LMOD1: variants seen among roughly 807,000 people sequenced by gnomAD.
LMOD1 encodes the protein leiomodin 1, also known as leiomodin-1.
A neutral mutation model predicts 36.5 loss-of-function variants in LMOD1; 8 were observed. The ratio of observed to expected loss-of-function variants is 0.22; its 90% confidence interval spans 0.13 to 0.40. The LOEUF (loss-of-function observed/expected upper bound fraction) is 0.40, where lower values mean the gene tolerates loss of function less well. LMOD1 is among the 10% of genes least tolerant of loss of function. LMOD1 has a pLI of 1.00. For missense variants in LMOD1, 630 were observed against 751.1 expected, an observed-to-expected ratio of 0.84 and a Z score of 1.88; for synonymous variants, 284 against 288.7, an observed-to-expected ratio of 0.98 and a Z score of 0.17.
In LMOD1 at chr1:201,931,219, G is replaced by A. The variant is rs79095478; in HGVS notation, c.261+14861C>T. Among the ~76,000 whole-genome samples, 1,389 of 152,284 alleles carry A rather than the reference G, an allele frequency of 9.1e-3. 20 individuals are homozygous for A. Among genetic ancestry groups the A allele is most frequent in the African/African-American group, 0.032 (1,348 of 41,556 alleles). On this transcript the variant is annotated intron_variant, in intron 1 of 2. Transcript: ENST00000367288. ...GGGTAATAGTCTGGGACAGAAGAGG[G>A]ATATCCTTTCCATGGGATAAAAGAG...
At chr1:201,911,821 C>CAAATGAAAA (rs1681501818) in intron 1 of LMOD1, among the ~76,000 whole-genome samples, 1 of 152,156 alleles carries the variant, frequency 6.6e-6, no homozygotes, top group Non-Finnish European at 1.5e-5. Flanking sequence ...ATGAAAAGGC[C>CAAATGAAAA]TGTGCTTAAC....
intron 1 of LMOD1, among the ~76,000 whole-genome samples, chr1:201,906,227 G>A (rs112517739): frequency 2.4e-4 from 36 of 152,280 alleles, no homozygotes; most frequent in African/African-American, 8.7e-4. Flanking sequence ...CCTACTGCTG[G>A]TTTCTCCTTG....
At chr1:201,912,837 AGGTGACAGTGTG>A in intron 1 of LMOD1, among the ~76,000 whole-genome samples, 1 of 151,986 alleles carries the variant, frequency 6.6e-6, no homozygotes, top group Non-Finnish European at 1.5e-5. Context: ...CCCAGCCTAG[AGGTGACAGTGTG>A]GGTGACAGAG....
intron 1 of LMOD1, among the ~76,000 whole-genome samples, chr1:201,922,105 G>A (rs1357665775): frequency 2.0e-5 from 3 of 152,192 alleles, no homozygotes; most frequent in Non-Finnish European, 2.9e-5. Flanking sequence ...GTGTGGACAA[G>A]GATGTGGAGA....
At chr1:201,920,045 C>CTCTT (rs1449817584) in intron 1 of LMOD1, among the ~76,000 whole-genome samples, 1 of 52,502 alleles carries the variant, frequency 1.9e-5, no homozygotes, top group Non-Finnish European at 3.7e-5. Flanking sequence ...GGCTCTCTCT[C>CTCTT]TTTTTTTTTT....
chr1:201,925,041 C>T (rs146849249), intron 1 of LMOD1, among the ~76,000 whole-genome samples: 3 of 152,274 alleles, frequency 2.0e-5, no homozygotes, highest in African/African-American at 2.4e-5. Context: ...CATAGTGAAA[C>T]GCTGTCTCTA....
At chr1:201,929,524 A>G (rs1055195262) in intron 1 of LMOD1, among the ~76,000 whole-genome samples, 1 of 152,242 alleles carries the variant, frequency 6.6e-6, no homozygotes, top group African/African-American at 2.4e-5. Context: ...CAGACCTCAG[A>G]GTGTAAATTT....
chr1:201,945,832 A>G (rs866056528), intron 1 of LMOD1, among the ~76,000 whole-genome samples: 3 of 152,172 alleles, frequency 2.0e-5, no homozygotes, highest in Admixed American at 6.5e-5. Context: ...CTCCCATTCT[A>G]CTAGTAGCTC....
intron 1 of LMOD1, among the ~76,000 whole-genome samples, chr1:201,922,960 G>T (rs1215716803): frequency 6.6e-6 from 1 of 152,030 alleles, no homozygotes; most frequent in Non-Finnish European, 1.5e-5. Context: ...GAGTAGCTGG[G>T]ATTACAGGTG....
chr1:201,900,529 G>A lies in LMOD1; in HGVS notation c.484C>T (p.Arg162Trp), dbSNP rs756783701. The change falls in exon 2 of 3, where the codon CGG (arginine) becomes TGG (tryptophan). Residue 162 changes from arginine (R) to tryptophan (W), a missense_variant. By Grantham distance (101) the Arg-to-Trp change is moderately radical. This residue lies in a region of LMOD1 where 405 missense variants were observed against 400.6 expected (regional missense o/e 1.01). Transcript: ENST00000367288. ...EKIIRGIDKG[R>W]VRAAVDKKEA... is the part of the protein sequence containing the mutation. ...TTCTTATCCACTGCAGCCCTGACCC[G>A]GCCCTTGTCAATGCCCCGGATGATC... 18 of 1,613,108 alleles carry A rather than the reference G, an allele frequency of 1.1e-5. No homozygotes were observed. The highest frequency in any genetic ancestry group is 2.2e-5 in the South Asian group (2 of 91,018).
In LMOD1 at chr1:201,918,153, T is replaced by C. The variant is rs146265471; in HGVS notation, c.262-17402A>G. ...TCTCTGTCTTCCCGCCTTCTCCCTC[T>C]TCAGGAATGGCTCTCCCACCCCACA... On this transcript the variant is annotated intron_variant, in intron 1 of 2. Coordinates refer to ENST00000367288, the MANE Select transcript of LMOD1 (RefSeq NM_012134.3). 2.9e-3 allele frequency among the ~76,000 whole-genome samples: 441 copies of C among 152,356 alleles called. 4 individuals carry two copies. Among genetic ancestry groups the C allele is most frequent in the Non-Finnish European group, 4.5e-3 (303 of 68,034 alleles).
At chr1:201,942,173 C>G (rs1395028771) in intron 1 of LMOD1, among the ~76,000 whole-genome samples, 1 of 152,210 alleles carries the variant, frequency 6.6e-6, no homozygotes, top group Non-Finnish European at 1.5e-5. Context: ...CCTCCCCAAT[C>G]CCCTGCTAAC....
intron 1 of LMOD1, among the ~76,000 whole-genome samples, chr1:201,945,062 G>A (rs1682179704): frequency 6.6e-6 from 1 of 152,158 alleles, no homozygotes. Flanking sequence ...TAATGTACAA[G>A]AGATGTGGCT....
intron 1 of LMOD1, among the ~76,000 whole-genome samples, chr1:201,927,671 G>A (rs773279502): frequency 7.2e-5 from 11 of 152,188 alleles, no homozygotes; most frequent in Non-Finnish European, 1.6e-4. Flanking sequence ...AGTAGCAAGT[G>A]GAAGAGATGC....
Position 201,942,174 on chromosome 1 carries a change from C to A in LMOD1, c.261+3906G>T, listed in dbSNP as rs547153571. The stretch of plus-strand genomic sequence containing the variant: ...AGTCCCACCTCTACCCTCCCCAATC[C>A]CCTGCTAACATTCACTCAACAAACA... On this transcript the variant is annotated intron_variant, in intron 1 of 2. Coordinates refer to ENST00000367288, the MANE Select transcript of LMOD1 (RefSeq NM_012134.3). Among the ~76,000 whole-genome samples the A allele has an allele frequency of 2.0e-3, 311 of 152,266 alleles. 1 individual carries two copies. The highest frequency in any genetic ancestry group is 3.5e-3 in the Non-Finnish European group (240 of 68,014).
chr1:201,916,114 C>T (rs1305742798), intron 1 of LMOD1, among the ~76,000 whole-genome samples: 6 of 151,690 alleles, frequency 4.0e-5, no homozygotes, highest in Admixed American at 1.3e-4. Flanking sequence ...GACGGGGTTT[C>T]GCCATGTTGC....
In LMOD1 at chr1:201,899,297, C is replaced by A; in HGVS notation, c.1716G>T (p.Lys572Asn). ...CAGCCAATAGCTGGTCACGGGAGTT[C>A]TTCTCCTGGGCAGGGAGGACTTTGT... ...MGDKVLPAQE[K>N]NSRDQLLAAI... The change falls in exon 2 of 3, where the codon AAG (lysine) becomes AAT (asparagine). Residue 572 changes from lysine to asparagine, a missense_variant. By Grantham distance (94) the Lys-to-Asn change is moderately conservative (BLOSUM62 0). Coordinates refer to ENST00000367288, the MANE Select transcript of LMOD1 (RefSeq NM_012134.3). This position sits in a 1 kb window ranked among gnomAD's most constrained non-coding sequence, Gnocchi z 6.3. 1 of 1,609,606 alleles carries A rather than the reference C, an allele frequency of 6.2e-7. No individual in the cohort carries two copies. The highest frequency in any genetic ancestry group is 1.7e-5 in the Admixed American group (1 of 59,630).
In LMOD1 at chr1:201,906,675, G is replaced by C. The variant is rs552818491; in HGVS notation, c.262-5924C>G. Among the ~76,000 whole-genome samples, 5 of 152,304 alleles carry C rather than the reference G, an allele frequency of 3.3e-5. No individual in the cohort carries two copies. The South Asian group carries it at 1.0e-3, about 32-fold the overall frequency. ...GCAGTCTCCTGCCGCATTCCATGTG[G>C]AGTGCCAAATCTTTTATTGTTTTCC... On this transcript the variant is annotated intron_variant, in intron 1 of 2. Coordinates refer to ENST00000367288, the MANE Select transcript of LMOD1 (RefSeq NM_012134.3).
Position 201,946,525 on chromosome 1 carries a change from C to G in LMOD1, c.-185G>C. Reference sequence around the variant, plus strand: ...AAGTGTTCACTGGACGCAGCAGCCTCCCTGAAGCCCAGGGCTAGTGGACCC... The same window carrying G: ...AAGTGTTCACTGGACGCAGCAGCCTGCCTGAAGCCCAGGGCTAGTGGACCC... On this transcript the variant is annotated 5_prime_UTR_variant, in exon 1 of 3. Transcript: ENST00000367288. 1 of 644,862 alleles carries G rather than the reference C, an allele frequency of 1.6e-6. No individual in the cohort carries two copies. Among genetic ancestry groups the G allele is most frequent in the South Asian group, 2.0e-5 (1 of 49,582 alleles). The allele number at this position is 644,862 out of a possible 1,614,324, so 39.9% of individuals were successfully genotyped here.
Sources: gnomAD v4.1 joint callset for allele counts (sites outside exome capture counted in the v4.1 genomes callset) on GRCh38, gnomAD v4.1.1 for gene constraint, gnomAD v4.1.1 regional missense constraint, Gnocchi (gnomAD v3.1) non-coding constraint, MANE v1.5 for transcripts, NCBI Gene and HGNC (gene_info 2026-07-23, HGNC 2026-07-21) for gene names.